The following DYNLRB1 variants were observed in gnomAD, a reference collection of about 807,000 sequenced individuals.
The protein encoded by DYNLRB1 is ROBL/LC7-like 1.
In DYNLRB1, 6 loss-of-function variants were observed where a neutral mutation model predicts 13.5. The ratio of observed to expected loss-of-function variants is 0.44; its 90% confidence interval spans 0.24 to 0.88. DYNLRB1 has a LOEUF of 0.88. Among genes scored for constraint, DYNLRB1 ranks in the 40% least tolerant of loss-of-function variants. DYNLRB1 has a pLI of 0.21. For synonymous variants in DYNLRB1, 43 were observed against 45.0 expected, an observed-to-expected ratio of 0.96 and a Z score of 0.18; for missense variants, 93 against 127.2, an observed-to-expected ratio of 0.73 and a Z score of 1.29.
chr20:34,517,681 T>C (rs1979361540), intron 1 of DYNLRB1, among the ~76,000 whole-genome samples: 1 of 146,278 alleles, frequency 6.8e-6, no homozygotes, highest in Non-Finnish European at 1.5e-5. Context: ...CAGGCTGGAG[T>C]GCAGTGGCAC....
intron 3 of DYNLRB1, among the ~76,000 whole-genome samples, chr20:34,537,250 C>T (rs889470233): frequency 1.3e-5 from 2 of 152,154 alleles, no homozygotes; most frequent in South Asian, 2.1e-4. Flanking sequence ...TGCTGGAGGA[C>T]GGTGGCGCGC....
chr20:34,534,540 A>G, intron 2 of DYNLRB1, 88 bp from the exon 3 acceptor site: 8 of 1,460,206 alleles, frequency 5.5e-6, no homozygotes, highest in Non-Finnish European at 7.3e-6. Context: ...GAGAACTGCT[A>G]TTCCAGTTCT....
chr20:34,516,970 G>T, intron 1 of DYNLRB1: 2 of 1,316,888 alleles, frequency 1.5e-6, no homozygotes, highest in Non-Finnish European at 1.9e-6. Context: ...AGTGGAGATG[G>T]ATTTGAACCC....
chr20:34,524,057 C>T (rs1240215438), intron 1 of DYNLRB1, among the ~76,000 whole-genome samples: 1 of 152,140 alleles, frequency 6.6e-6, no homozygotes, highest in Non-Finnish European at 1.5e-5. Context: ...TTGAGTGTAT[C>T]AGAGCCTTGT....
intron 3 of DYNLRB1, among the ~76,000 whole-genome samples, chr20:34,538,060 T>C (rs1233602903): frequency 2.6e-4 from 34 of 130,416 alleles, no homozygotes; most frequent in Non-Finnish European, 4.7e-4. Flanking sequence ...CGATCATGGC[T>C]CTCTGCAGCC....
At chr20:34,534,342 G>A (rs1432210253) in intron 2 of DYNLRB1, among the ~76,000 whole-genome samples, 2 of 152,236 alleles carry the variant, frequency 1.3e-5, no homozygotes, top group Non-Finnish European at 2.9e-5. Flanking sequence ...AGGCCTGCAT[G>A]TGAATCCTGG....
chr20:34,516,912 ATC>A, intron 1 of DYNLRB1: 1 of 1,418,606 alleles, frequency 7.0e-7, no homozygotes, highest in Non-Finnish European at 9.3e-7. Flanking sequence ...TGTTATACAT[ATC>A]TGTTATTCAG....
intron 1 of DYNLRB1, among the ~76,000 whole-genome samples, chr20:34,517,917 G>A (rs1055286355): frequency 1.6e-4 from 25 of 152,080 alleles, no homozygotes; most frequent in Non-Finnish European, 5.9e-5. Context: ...GATTACAGGC[G>A]TGAGCCACCA....
intron 1 of DYNLRB1, among the ~76,000 whole-genome samples, chr20:34,524,909 G>A (rs1267736754): frequency 6.6e-6 from 1 of 152,014 alleles, no homozygotes; most frequent in East Asian, 1.9e-4. Context: ...GTATTTTCAG[G>A]AGAGACGGAG....
At chr20:34,516,728 G>A (rs1979233831) in intron 1 of DYNLRB1, 2 of 1,542,410 alleles carry the variant, frequency 1.3e-6, no homozygotes, top group South Asian at 2.4e-5. Flanking sequence ...ATGGGCGAGG[G>A]GTGGGCGGCG....
At chr20:34,526,482 G>GTTATT in intron 2 of DYNLRB1, 139 bp downstream of exon 2, 21 of 266,906 alleles carry the variant, frequency 7.9e-5, no homozygotes, top group East Asian at 1.9e-4. Flanking sequence ...CACCTCCAGT[G>GTTATT]TTCTTTTTTT....
chr20:34,519,470 C>G (rs1474595937), intron 1 of DYNLRB1, among the ~76,000 whole-genome samples: 1 of 151,966 alleles, frequency 6.6e-6, no homozygotes, highest in African/African-American at 2.4e-5. Flanking sequence ...TACAGTGAGC[C>G]GTGACTGCAC....
chr20:34,517,307 C>G (rs1291730472), intron 1 of DYNLRB1, among the ~76,000 whole-genome samples: 1 of 152,190 alleles, frequency 6.6e-6, no homozygotes, highest in African/African-American at 2.4e-5. Flanking sequence ...TTACAGTAGT[C>G]ATATGACTTC....
At chr20:34,529,469 C>T (rs1980526033) in intron 2 of DYNLRB1, among the ~76,000 whole-genome samples, 1 of 152,172 alleles carries the variant, frequency 6.6e-6, no homozygotes, top group Non-Finnish European at 1.5e-5. Context: ...TGGCTCACGC[C>T]TGTAATCTCA....
chr20:34,535,029 G>A (rs980208738), intron 3 of DYNLRB1: 13 of 1,366,338 alleles, frequency 9.5e-6, no homozygotes, highest in South Asian at 3.1e-5. Context: ...AGACAGACAC[G>A]TGAGCATCAT....
At chr20:34,539,521 C>CA (rs1568605553) in intron 3 of DYNLRB1, among the ~76,000 whole-genome samples, 1 of 148,180 alleles carries the variant, frequency 6.7e-6, no homozygotes, top group Non-Finnish European at 1.5e-5. Context: ...CTGTACAAAA[C>CA]TTTTTTTTTT....
At chr20:34,516,661 C>G (rs953579803) in intron 1 of DYNLRB1, 200 bp downstream of exon 1, 3 of 1,464,332 alleles carry the variant, frequency 2.0e-6, no homozygotes, top group Non-Finnish European at 2.7e-6. Context: ...GCGGGGCCGC[C>G]GGATCCCGCT....
At chr20:34,534,420 G>C (rs976896082) in intron 2 of DYNLRB1, among the ~76,000 whole-genome samples, 2 of 152,234 alleles carry the variant, frequency 1.3e-5, no homozygotes, top group African/African-American at 4.8e-5. Flanking sequence ...GGGCGAATGA[G>C]ATGGTGTTGC....
At chr20:34,526,128 G>T in intron 1 of DYNLRB1, 140 bp from the exon 2 acceptor site, 1 of 846,950 alleles carries the variant, frequency 1.2e-6, no homozygotes, top group Non-Finnish European at 1.9e-6. Context: ...GATCAGCCTG[G>T]GGAACTTTGA....
Sources: allele counts gnomAD v4.1 joint callset (sites outside exome capture counted in the v4.1 genomes callset), GRCh38; gene constraint gnomAD v4.1.1; transcripts MANE v1.5; gene names NCBI Gene and HGNC (gene_info 2026-07-23, HGNC 2026-07-21).